The following COL1A1 variants were observed in gnomAD, a reference collection of about 807,000 sequenced individuals.
COL1A1 encodes collagen alpha-1(I) chain.
COL1A1 carries 21 observed loss-of-function variants against 195.7 expected under a neutral mutation model. That is an observed-to-expected ratio of 0.11 (90% CI 0.08 to 0.15). The LOEUF (loss-of-function observed/expected upper bound fraction) is 0.15, where lower values mean the gene tolerates loss of function less well. COL1A1 is among the 10% of genes least tolerant of loss of function. The probability of loss-of-function intolerance (pLI) is 1.00; values close to 1 mark genes in which losing one functional copy is unlikely to be tolerated. For missense variants in COL1A1, 1,365 were observed against 2,051.0 expected, an observed-to-expected ratio of 0.67 and a Z score of 6.46; for synonymous variants, 749 against 747.3, an observed-to-expected ratio of 1.00 and a Z score of -0.04.
intron 31 of COL1A1, 49 bp from the exon 32 acceptor site, chr17:50,191,539 G>A (rs1907078815): frequency 6.5e-7 from 1 of 1,545,534 alleles, no homozygotes; most frequent in Non-Finnish European, 8.9e-7. Context: ...CCCCAAGAGT[G>A]GGTCACAGCC....
rs1312188890 is a variant in COL1A1 at position 50,194,279 on chromosome 17, C to A, written c.1614+70G>T. Reference sequence around the variant, plus strand: ...GCAGACCCTTGGGCCTGATCCAGAACGCCTCATCCCAGACCCTACACGGGA... The same window carrying A: ...GCAGACCCTTGGGCCTGATCCAGAAAGCCTCATCCCAGACCCTACACGGGA... On this transcript the variant is annotated intron_variant, in intron 23 of 50. Transcript: ENST00000225964. This position sits in a 1 kb window ranked among gnomAD's most constrained non-coding sequence, Gnocchi z 6.8. 1 of 1,600,010 alleles carries A rather than the reference C, an allele frequency of 6.2e-7. No homozygotes were observed. Among genetic ancestry groups the A allele is most frequent in the African/African-American group, 1.3e-5 (1 of 74,700 alleles).
intron 9 of COL1A1, 43 bp downstream of exon 9, chr17:50,197,689 A>G: frequency 6.8e-7 from 1 of 1,460,624 alleles, no homozygotes; most frequent in Non-Finnish European, 9.3e-7. Context: ...CAACCCATGG[A>G]GGCCATGGGG....
At chr17:50,197,686 T>C in intron 9 of COL1A1, 46 bp downstream of exon 9, 1 of 1,475,402 alleles carries the variant, frequency 6.8e-7, no homozygotes, top group African/African-American at 1.4e-5. Context: ...ACCCAACCCA[T>C]GGAGGCCATG....
Position 50,187,968 on chromosome 17 carries a change from G to C in COL1A1, c.3277C>G (p.Arg1093Gly). Residue 1093 changes from arginine to glycine, a missense_variant, in exon 45 of 51, where the codon CGT (arginine) becomes GGT (glycine). Coordinates refer to ENST00000225964, the MANE Select transcript of COL1A1 (RefSeq NM_000088.4). ...TCGCCTGTCTCACCCTTGTCACCAC[G>C]GGGGCCTTGGGGTCCCTAGAAGAGA... is the stretch of plus-strand genomic sequence containing the variant. ...ARGPAGPQGPRGDKGETGEQG... is the reference protein window; with the variant it reads ...ARGPAGPQGPGGDKGETGEQG... 6.2e-7 allele frequency: 1 copy of C among 1,614,040 alleles called. No individual in the cohort carries two copies. Among genetic ancestry groups the C allele is most frequent in the Non-Finnish European group, 8.5e-7 (1 of 1,179,982 alleles).
chr17:50,196,095 A>G, intron 15 of COL1A1, 60 bp downstream of exon 15: 2 of 1,611,860 alleles, frequency 1.2e-6, no homozygotes, highest in Middle Eastern at 1.7e-4. Flanking sequence ...GTCAGCCCCA[A>G]GAGCAGATAC....
At position 50,192,881 on chromosome 17, in the gene COL1A1, GT is replaced by G. The variant is rs757681237; in HGVS notation, c.1822-32del. ...GGGAGAGAGCAAAGGGGAACTCAGG[GT>G]TAGGAGGCCCCGAGCAGCTGAGGAC... On this transcript the variant is annotated intron_variant, in intron 26 of 50. Coordinates refer to ENST00000225964, the MANE Select transcript of COL1A1 (RefSeq NM_000088.4). 5.5e-5 allele frequency: 88 copies of G among 1,613,788 alleles called. No homozygotes were observed. In the African/African-American group the frequency reaches 1.0e-3, roughly 19 times the overall value.
rs777730902 is a variant in COL1A1 at position 50,195,035 on chromosome 17, G to A, written c.1353+12C>T. ...TGGGCTGGGCTGCAAGAAGGATGGC[G>A]GGGAGACTTACAGGCTCTCCCTTAG... On this transcript the variant is annotated intron_variant, in intron 20 of 50. Coordinates refer to ENST00000225964, the MANE Select transcript of COL1A1 (RefSeq NM_000088.4). The surrounding 1 kb of genome is among the most constrained non-coding windows in gnomAD (Gnocchi z 4.3). 17 of 1,612,854 alleles carry A rather than the reference G, an allele frequency of 1.1e-5. No individual in the cohort carries two copies. The highest frequency in any genetic ancestry group is 6.7e-5 in the Admixed American group (4 of 60,000).
In COL1A1 at chr17:50,190,690, C is replaced by T. The variant is rs1273058967; in HGVS notation, c.2344-94G>A. ...AGAGCCTCCCCTCCTTCTGGTCCCT[C>T]CAGGTTCCCAGGTTGACAGCTCAGT... On this transcript the variant is annotated intron_variant, in intron 33 of 50. Transcript: ENST00000225964. This position sits in a 1 kb window ranked among gnomAD's most constrained non-coding sequence, Gnocchi z 4.7. The T allele has an allele frequency of 2.0e-6, 3 of 1,512,016 alleles. No individual in the cohort carries two copies. Among genetic ancestry groups the T allele is most frequent in the Admixed American group, 1.7e-5 (1 of 58,066 alleles). 93.7% of individuals were successfully genotyped at this position (1,512,016 alleles called of 1,614,324 possible).
Position 50,185,424 on chromosome 17 carries a change from G to A in COL1A1, c.*78C>T. The A allele has an allele frequency of 6.3e-7, 1 of 1,584,676 alleles. No homozygotes were observed. The highest frequency in any genetic ancestry group is 1.8e-4 in the Middle Eastern group (1 of 5,648). On this transcript the variant is annotated 3_prime_UTR_variant, in exon 51 of 51. Transcript: ENST00000225964. The stretch of plus-strand genomic sequence containing the variant: ...ATTTTTTGGCTTTTGAGGGGGTTCA[G>A]TTTGGGTTGCTTGTCTGTTTCCGGG...
At chr17:50,199,089 G>T (rs1489256274) in intron 5 of COL1A1, 137 bp downstream of exon 5, 2 of 954,386 alleles carry the variant, frequency 2.1e-6, no homozygotes, top group Non-Finnish European at 3.0e-6. Context: ...AACTGTGAAG[G>T]GTATGTGAGA....
chr17:50,186,919 G>T lies in COL1A1; in HGVS notation c.3535C>A (p.Pro1179Thr), dbSNP rs779767483. 7 of 1,613,664 alleles carry T rather than the reference G, an allele frequency of 4.3e-6. No homozygotes were observed. In the Admixed American group the frequency reaches 1.2e-4, roughly 27 times the overall value. Reference sequence around the variant, plus strand: ...CCAGGAGGTCCAGGAGGGCCGGGGGGACCCTGCACAGAGAGGGAAGAGAGT... The same window carrying T: ...CCAGGAGGTCCAGGAGGGCCGGGGGTACCCTGCACAGAGAGGGAAGAGAGT... ...GRTGDAGPVGPPGPPGPPGPP... is the reference protein window; with the variant it reads ...GRTGDAGPVGTPGPPGPPGPP... The change falls in exon 48 of 51, where the codon CCC (proline) becomes ACC (threonine). Residue 1179 changes from proline (P) to threonine (T), a missense_variant. Pro to Thr is a conservative substitution (Grantham distance 38). Transcript: ENST00000225964. The surrounding 1 kb of genome is among the most constrained non-coding windows in gnomAD (Gnocchi z 5.3).
At position 50,192,922 on chromosome 17, in the gene COL1A1, C is replaced by T. The variant is rs553014869; in HGVS notation, c.1821+72G>A. The T allele has an allele frequency of 3.2e-4, 518 of 1,612,762 alleles. 1 individual carries two copies. The highest frequency in any genetic ancestry group is 1.4e-3 in the South Asian group (129 of 91,010). ...CAGCTGAGGACCGTGGCCTCTAGCA[C>T]CCCTCCTGCAGGGAGGAGAAAGTGC... On this transcript the variant is annotated intron_variant, in intron 26 of 50. Transcript: ENST00000225964.
rs763699489 is a variant in COL1A1, at chr17:50,187,534, A to C, written c.3373T>G (p.Ser1125Ala). 6.2e-7 allele frequency: 1 copy of C among 1,613,952 alleles called. No individual in the cohort carries two copies. The highest frequency in any genetic ancestry group is 2.2e-5 in the East Asian group (1 of 44,862). ...GLQGPPGPPG[S>A]PGEQGPSGAS... is the part of the protein sequence containing the mutation. ...CCAGAGGGACCTTGTTCACCAGGAG[A>C]GCCCTGAAGGACAGATAAAAAAGGC... Residue 1125 changes from serine (S) to alanine (A), a missense_variant, in exon 46 of 51, where the codon TCT becomes GCT. By Grantham distance (99) the Ser-to-Ala change is moderately conservative (BLOSUM62 1). Around this residue, in one of 5 missense-constraint regions of COL1A1, gnomAD observed 671 missense variants for 1,099.9 expected, o/e 0.61. Transcript: ENST00000225964.
rs751890158 is a variant in COL1A1, at chr17:50,190,554, G to A, written c.2386C>T (p.Arg796Cys). Residue 796 changes from arginine to cysteine, a missense_variant, in exon 34 of 51, where the codon CGT becomes TGT. This residue lies in a region of COL1A1 where 671 missense variants were observed against 1,099.9 expected (regional missense o/e 0.61). Transcript: ENST00000225964. The surrounding 1 kb of genome is among the most constrained non-coding windows in gnomAD (Gnocchi z 4.7). ...TCTTCTGTACTTACGGGGGCACCACGAGCTCCAGTGGGACCAGCAGGGCCG... is the reference window on the plus strand; with the variant it reads ...TCTTCTGTACTTACGGGGGCACCACAAGCTCCAGTGGGACCAGCAGGGCCG... ...PSGPAGPTGA[R>C]GAPGDRGEPG... The A allele has an allele frequency of 6.8e-6, 11 of 1,612,464 alleles. No homozygotes were observed. Among genetic ancestry groups the A allele is most frequent in the Admixed American group, 1.7e-5 (1 of 59,884 alleles).
rs267604945 is a variant in COL1A1, at chr17:50,199,444, C to T, written c.343G>A (p.Gly115Arg). ...CTTGGGCCTCGGGGGCCAGTGTCTCCCTTGGGTCCCTGTGGGATTGGGGGA... is the reference window on the plus strand; with the variant it reads ...CTTGGGCCTCGGGGGCCAGTGTCTCTCTTGGGTCCCTGTGGGATTGGGGGA... ...QETTGVEGPK[G>R]DTGPRGPRGP... The change falls in exon 4 of 51, where the codon GGA becomes AGA. Residue 115 changes from glycine to arginine, a missense_variant. By Grantham distance (125) the Gly-to-Arg change is moderately radical (BLOSUM62 -2). This residue lies in a region of COL1A1 where 194 missense variants were observed against 221.7 expected (regional missense o/e 0.88). Transcript: ENST00000225964. 1.2e-6 allele frequency: 2 copies of T among 1,614,032 alleles called. No homozygotes were observed. Among genetic ancestry groups the T allele is most frequent in the South Asian group, 2.2e-5 (2 of 91,090 alleles).
At position 50,195,845 on chromosome 17, in the gene COL1A1, C is replaced by A; in HGVS notation, c.1056+78G>T. ...GGCTGCTCTCTTGCCACTCTGGGTCCCTTTGGTTTGGGGAACAGGGAGACA... is the reference window on the plus strand; with the variant it reads ...GGCTGCTCTCTTGCCACTCTGGGTCACTTTGGTTTGGGGAACAGGGAGACA... On this transcript the variant is annotated intron_variant, in intron 16 of 50. Coordinates refer to ENST00000225964, the MANE Select transcript of COL1A1 (RefSeq NM_000088.4). This position sits in a 1 kb window ranked among gnomAD's most constrained non-coding sequence, Gnocchi z 4.3. 4 of 1,518,712 alleles carry A rather than the reference C, an allele frequency of 2.6e-6. No individual in the cohort carries two copies. The highest frequency in any genetic ancestry group is 3.6e-6 in the Non-Finnish European group (4 of 1,116,784). The allele number at this position is 1,518,712 out of a possible 1,614,324, so 94.1% of individuals were successfully genotyped here.
chr17:50,191,244 G>T (rs995428285), intron 32 of COL1A1, 139 bp downstream of exon 32: 5 of 860,198 alleles, frequency 5.8e-6, no homozygotes, highest in Non-Finnish European at 9.6e-6. Context: ...CAGCAAAAAG[G>T]CCAGAGGGGA....
At position 50,195,255 on chromosome 17, in the gene COL1A1, G is replaced by C. The variant is rs761653253; in HGVS notation, c.1276C>G (p.Pro426Ala). The change falls in exon 19 of 51, where the codon CCT (proline) becomes GCT (alanine). Residue 426 changes from proline (P) to alanine (A), a missense_variant. Pro to Ala is a conservative substitution (Grantham distance 27, BLOSUM62 -1). Around this residue, in one of 5 missense-constraint regions of COL1A1, gnomAD observed 226 missense variants for 372.9 expected, o/e 0.61. Coordinates refer to ENST00000225964, the MANE Select transcript of COL1A1 (RefSeq NM_000088.4). This position sits in a 1 kb window ranked among gnomAD's most constrained non-coding sequence, Gnocchi z 4.3. ...ACGCTGTTACCCTTGGGACCAGGAG[G>C]GCCGCCGGGGCCCTGGGGTCCAGAG... ...GPSGPQGPGG[P>A]PGPKGNSGEP... is the part of the protein sequence containing the mutation. 1 of 1,613,234 alleles carries C rather than the reference G, an allele frequency of 6.2e-7. No individual in the cohort carries two copies. Among genetic ancestry groups the C allele is most frequent in the South Asian group, 1.1e-5 (1 of 91,050 alleles).
Position 50,199,884 on chromosome 17 carries a change from T to C in COL1A1, c.167A>G (p.Glu56Gly). 1 of 1,614,110 alleles carries C rather than the reference T, an allele frequency of 6.2e-7. No homozygotes were observed. Among genetic ancestry groups the C allele is most frequent in the Non-Finnish European group, 8.5e-7 (1 of 1,180,016 alleles). ...GTCGCAGACGCAGATCCGGCAGGGC[T>C]CGGGTTTCCACACGTCTCGGTCATG... The part of the protein sequence containing the change: ...RYHDRDVWKP[E>G]PCRICVCDNG... The change falls in exon 2 of 51, where the codon GAG (glutamate) becomes GGG (glycine). Residue 56 changes from glutamate to glycine, a missense_variant. Coordinates refer to ENST00000225964, the MANE Select transcript of COL1A1 (RefSeq NM_000088.4).
Sources: gnomAD v4.1 joint callset for allele counts on GRCh38, gnomAD v4.1.1 for gene constraint, gnomAD v4.1.1 regional missense constraint, Gnocchi (gnomAD v3.1) non-coding constraint, MANE v1.5 for transcripts, NCBI Gene and HGNC (gene_info 2026-07-23, HGNC 2026-07-21) for gene names.